Variants in CFAP299 observed in about 807,000 individuals in gnomAD.
CFAP299 encodes the protein cilia- and flagella-associated protein 299.
CFAP299 carries 21 observed loss-of-function variants against 27.0 expected under a neutral mutation model. The observed-to-expected ratio is 0.78, with a 90% confidence interval of 0.55 to 1.12. CFAP299 has a LOEUF of 1.12. Ranked by LOEUF, CFAP299 falls within the 50% of genes most tolerant of loss-of-function variation. The pLI is 0.00. For missense variants in CFAP299, 310 were observed against 276.6 expected, an observed-to-expected ratio of 1.12 and a Z score of -0.86; for synonymous variants, 104 against 98.1, an observed-to-expected ratio of 1.06 and a Z score of -0.36.
chr4:80,455,924 A>G (rs1729128942), intron 2 of CFAP299, among the ~76,000 whole-genome samples: 2 of 152,142 alleles, frequency 1.3e-5, no homozygotes, highest in Admixed American at 1.3e-4. Flanking sequence ...CTTATGTTTT[A>G]GTTGGGGAAG....
At chr4:80,776,957 T>C (rs576604298) in intron 3 of CFAP299, among the ~76,000 whole-genome samples, 1 of 152,128 alleles carries the variant, frequency 6.6e-6, no homozygotes, top group South Asian at 2.1e-4. Flanking sequence ...TATATACTCT[T>C]GAAATCTCTT....
At chr4:80,812,306 G>GGT (rs1395785284) in intron 3 of CFAP299, among the ~76,000 whole-genome samples, 1 of 151,938 alleles carries the variant, frequency 6.6e-6, no homozygotes, top group Non-Finnish European at 1.5e-5. Flanking sequence ...TGCAGGTGTG[G>GGT]GTGCACACAC....
chr4:80,414,226 A>G (rs560908807), intron 2 of CFAP299, among the ~76,000 whole-genome samples: 6 of 150,638 alleles, frequency 4.0e-5, no homozygotes, highest in Admixed American at 6.6e-5. Flanking sequence ...GCCCGCCACT[A>G]CGCCCGGCTA....
At chr4:80,580,429 A>T (rs1454741547) in intron 2 of CFAP299, among the ~76,000 whole-genome samples, 1 of 152,032 alleles carries the variant, frequency 6.6e-6, no homozygotes, top group East Asian at 1.9e-4. Context: ...AAAGCAATAG[A>T]TGTCTACAAC....
At chr4:80,781,596 G>T (rs1441983181) in intron 3 of CFAP299, among the ~76,000 whole-genome samples, 2 of 152,034 alleles carry the variant, frequency 1.3e-5, no homozygotes, top group South Asian at 2.1e-4. Context: ...AAATGTCATT[G>T]TTCATGCAAT....
At chr4:80,631,669 C>G (rs1317444224) in intron 3 of CFAP299, among the ~76,000 whole-genome samples, 1 of 152,122 alleles carries the variant, frequency 6.6e-6, no homozygotes, top group Admixed American at 6.5e-5. Flanking sequence ...AAACATATTA[C>G]TTTCAAGTTA....
intron 1 of CFAP299, among the ~76,000 whole-genome samples, chr4:80,339,448 A>G (rs531772969): frequency 1.3e-4 from 20 of 152,354 alleles, no homozygotes; most frequent in African/African-American, 4.3e-4. Flanking sequence ...AACTTTTTAC[A>G]TAATGCTTGC....
At chr4:80,896,466 C>T (rs924747483) in intron 4 of CFAP299, among the ~76,000 whole-genome samples, 12 of 152,096 alleles carry the variant, frequency 7.9e-5, no homozygotes, top group African/African-American at 2.7e-4. Flanking sequence ...TCTGAAAGAG[C>T]TTTCTACTCT....
chr4:80,580,216 CTG>C (rs2109867652), intron 2 of CFAP299, among the ~76,000 whole-genome samples: 1 of 152,154 alleles, frequency 6.6e-6, no homozygotes, highest in African/African-American at 2.4e-5. Flanking sequence ...TCTTGTGTCT[CTG>C]TTAAAGATTT....
intron 2 of CFAP299, among the ~76,000 whole-genome samples, chr4:80,476,332 C>T (rs544608890): frequency 7.9e-5 from 12 of 152,194 alleles, no homozygotes; most frequent in South Asian, 2.1e-4. Flanking sequence ...AGGGTACACA[C>T]GGGAATACTT....
chr4:80,368,898 A>G (rs1723986295), intron 2 of CFAP299, among the ~76,000 whole-genome samples: 1 of 152,232 alleles, frequency 6.6e-6, no homozygotes. Flanking sequence ...GTTGCAGATT[A>G]GCATCTCCAG....
Position 80,718,521 on chromosome 4 carries a change from A to C in CFAP299, c.333+135338A>C, listed in dbSNP as rs149987603. On this transcript the variant is annotated intron_variant, in intron 3 of 5. Transcript: ENST00000358105. The stretch of plus-strand genomic sequence containing the variant: ...GTGGAAGTTTAGAGAGTTTAATAAA[A>C]GTAGAGAGAAGATTTGAAAAACATT... Among the ~76,000 whole-genome samples the C allele has an allele frequency of 1.1e-3, 162 of 152,236 alleles. 1 individual carries two copies. Among genetic ancestry groups the C allele is most frequent in the African/African-American group, 3.7e-3 (152 of 41,550 alleles).
chr4:80,423,971 A>T (rs1284379810), intron 2 of CFAP299, among the ~76,000 whole-genome samples: 1 of 152,184 alleles, frequency 6.6e-6, no homozygotes, highest in East Asian at 1.9e-4. Context: ...ACCTTTCTGC[A>T]GGTGGTCCTT....
At chr4:80,474,554 T>G (rs531141514) in intron 2 of CFAP299, among the ~76,000 whole-genome samples, 1 of 152,332 alleles carries the variant, frequency 6.6e-6, no homozygotes, top group East Asian at 1.9e-4. Flanking sequence ...TTCAGATACT[T>G]TGATAAACAA....
At chr4:80,799,686 T>TA (rs1728206885) in intron 3 of CFAP299, among the ~76,000 whole-genome samples, 1 of 46,102 alleles carries the variant, frequency 2.2e-5, no homozygotes, top group East Asian at 9.7e-4. Context: ...TATTTATAAA[T>TA]ATATAATATA....
chr4:80,512,221 A>AGTGT (rs3037370), intron 2 of CFAP299, among the ~76,000 whole-genome samples: 19,555 of 148,476 alleles, frequency 0.13, 1,508 homozygotes, highest in South Asian at 0.24. Context: ...CATATTACAT[A>AGTGT]GTGTGTGTGT....
chr4:80,614,839 T>C (rs1392371802), intron 3 of CFAP299, among the ~76,000 whole-genome samples: 2 of 152,208 alleles, frequency 1.3e-5, no homozygotes, highest in Admixed American at 6.5e-5. Context: ...TGTTTTGAAA[T>C]GGTATCTGAA....
chr4:80,599,089 G>A (rs1490355970), intron 3 of CFAP299, among the ~76,000 whole-genome samples: 1 of 152,184 alleles, frequency 6.6e-6, no homozygotes, highest in Non-Finnish European at 1.5e-5. Context: ...AATCCAAGGA[G>A]AAAGTCTTTA....
At chr4:80,705,745 A>G (rs1348521054) in intron 3 of CFAP299, among the ~76,000 whole-genome samples, 4 of 151,860 alleles carry the variant, frequency 2.6e-5, no homozygotes, top group Admixed American at 2.6e-4. Context: ...AAAATCAGCA[A>G]TTAACCTAAT....
Sources: allele counts gnomAD v4.1 joint callset (sites outside exome capture counted in the v4.1 genomes callset), GRCh38; gene constraint gnomAD v4.1.1; transcripts MANE v1.5; gene names NCBI Gene and HGNC (gene_info 2026-07-23, HGNC 2026-07-21).